Variants in CRIM1 observed in about 807,000 individuals in gnomAD.
The protein encoded by CRIM1 is cysteine-rich motor neuron 1 protein.
Under a neutral mutation model 116.4 loss-of-function variants are expected in CRIM1, and 32 were observed. The ratio of observed to expected loss-of-function variants is 0.27; its 90% CI spans 0.21 to 0.37. The LOEUF is 0.37. Among genes scored for constraint, CRIM1 ranks in the 10% least tolerant of loss-of-function variants. The probability of loss-of-function intolerance (pLI) is 1.00; values close to 1 mark genes in which losing one functional copy is unlikely to be tolerated. For synonymous variants in CRIM1, 590 were observed against 509.2 expected (o/e 1.16, Z -2.13); for missense variants, 1,331 against 1,354.8 (o/e 0.98, Z 0.28).
intron 2 of CRIM1, among the ~76,000 whole-genome samples, chr2:36,439,035 G>A (rs1675563235): frequency 6.6e-6 from 1 of 152,220 alleles, no homozygotes. Flanking sequence ...GCTTTAAGCT[G>A]CTTATTGGAT....
At chr2:36,523,432 C>A (rs1314216834) in intron 13 of CRIM1, among the ~76,000 whole-genome samples, 1 of 152,134 alleles carries the variant, frequency 6.6e-6, no homozygotes, top group Non-Finnish European at 1.5e-5. Flanking sequence ...TATATTAGCA[C>A]CTAACATCTG....
At chr2:36,452,248 A>G (rs1676791597) in intron 4 of CRIM1, among the ~76,000 whole-genome samples, 1 of 152,160 alleles carries the variant, frequency 6.6e-6, no homozygotes. Flanking sequence ...TAAGTTATAT[A>G]ATAAGTAAAA....
intron 8 of CRIM1, among the ~76,000 whole-genome samples, chr2:36,506,876 G>A (rs879024872): frequency 6.7e-6 from 1 of 149,908 alleles, no homozygotes; most frequent in Non-Finnish European, 1.5e-5. Flanking sequence ...TTTTTTTTTA[G>A]ACACAGGTTC....
At chr2:36,513,030 T>C (rs1368862217) in intron 10 of CRIM1, among the ~76,000 whole-genome samples, 1 of 152,210 alleles carries the variant, frequency 6.6e-6, no homozygotes, top group Non-Finnish European at 1.5e-5. Context: ...GATGCACAGA[T>C]TAAACTATAA....
chr2:36,464,578 T>G lies in CRIM1; in HGVS notation c.914T>G (p.Val305Gly). 15 of 1,614,098 alleles carry G rather than the reference T, an allele frequency of 9.3e-6. No homozygotes were observed. The highest frequency in any genetic ancestry group is 1.3e-5 in the Non-Finnish European group (15 of 1,179,984). The change falls in exon 5 of 17, where the codon GTG (valine) becomes GGG (glycine). Residue 305 changes from valine (V) to glycine (G), a missense_variant. Physicochemically the swap from Val to Gly is moderately radical, Grantham distance 109. Coordinates refer to ENST00000280527, the MANE Select transcript of CRIM1 (RefSeq NM_016441.3). The stretch of plus-strand genomic sequence containing the variant: ...TTATGTGGTTTCCCCGTGTGTGAGG[T>G]GGGATCCACTCCCCGCATAGTCTCT... The part of the protein sequence containing the change: ...SGLCGFPVCE[V>G]GSTPRIVSRG...
At chr2:36,442,800 G>T in intron 4 of CRIM1, 65 bp downstream of exon 4, 1 of 1,591,274 alleles carries the variant, frequency 6.3e-7, no homozygotes, top group South Asian at 1.1e-5. Context: ...GGTACATTTT[G>T]AGCATGCAGT....
chr2:36,387,377 A>G (rs747602926), intron 1 of CRIM1, among the ~76,000 whole-genome samples: 9 of 152,238 alleles, frequency 5.9e-5, no homozygotes, highest in Admixed American at 1.3e-4. Flanking sequence ...CTGAAAATTG[A>G]TATCCTTTGA....
At chr2:36,414,151 G>C (rs1055152340) in intron 2 of CRIM1, among the ~76,000 whole-genome samples, 3 of 152,120 alleles carry the variant, frequency 2.0e-5, no homozygotes, top group African/African-American at 7.2e-5. Context: ...TCATGCTTTG[G>C]CATCTCTGCT....
intron 2 of CRIM1, among the ~76,000 whole-genome samples, chr2:36,438,312 A>C (rs940406366): frequency 1.3e-5 from 2 of 152,226 alleles, no homozygotes; most frequent in African/African-American, 4.8e-5. Context: ...AATTAACAAG[A>C]GTAGGAATTA....
At chr2:36,547,260 CCA>C in intron 16 of CRIM1, 89 bp downstream of exon 16, 1 of 1,094,396 alleles carries the variant, frequency 9.1e-7, no homozygotes, top group Non-Finnish European at 1.4e-6. Flanking sequence ...TGTGTCTTAA[CCA>C]GTGAAGTTTT....
At chr2:36,402,112 C>T (rs924647510) in intron 2 of CRIM1, among the ~76,000 whole-genome samples, 4 of 152,140 alleles carry the variant, frequency 2.6e-5, no homozygotes, top group African/African-American at 9.7e-5. Flanking sequence ...CTAGGTTTCT[C>T]AAACTTGAGA....
intron 2 of CRIM1, among the ~76,000 whole-genome samples, chr2:36,438,556 G>A (rs1016074705): frequency 6.6e-6 from 1 of 152,140 alleles, no homozygotes; most frequent in African/African-American, 2.4e-5. Flanking sequence ...TCCTTGGGGG[G>A]TTATACTATG....
intron 1 of CRIM1, among the ~76,000 whole-genome samples, chr2:36,357,408 C>T (rs1349542177): frequency 3.9e-5 from 6 of 152,076 alleles, no homozygotes; most frequent in Non-Finnish European, 5.9e-5. Context: ...TGTTTGACAG[C>T]GGGGATTGTT....
At chr2:36,361,324 T>A (rs1050062173) in intron 1 of CRIM1, among the ~76,000 whole-genome samples, 1 of 152,166 alleles carries the variant, frequency 6.6e-6, no homozygotes, top group African/African-American at 2.4e-5. Flanking sequence ...CAGATTAATA[T>A]ATGAAGAAAA....
chr2:36,411,572 A>G (rs750901881), intron 2 of CRIM1, among the ~76,000 whole-genome samples: 7 of 152,178 alleles, frequency 4.6e-5, no homozygotes, highest in Non-Finnish European at 1.0e-4. Flanking sequence ...TTATATAGCT[A>G]CATGTATATA....
intron 2 of CRIM1, among the ~76,000 whole-genome samples, chr2:36,408,970 A>G (rs1365898907): frequency 1.3e-5 from 2 of 151,808 alleles, no homozygotes; most frequent in Non-Finnish European, 2.9e-5. Flanking sequence ...TCTTGCCAGT[A>G]TTATATATTT....
In CRIM1 at chr2:36,396,594, GGTT is replaced by G. The variant is rs970983530; in HGVS notation, c.332-16_332-14del. ...ATGAAGCTGCAAACACACATTATCT[GGTT>G]GTTAATTGTTTTACAGATGAGAACT... On this transcript the variant is annotated splice_polypyrimidine_tract_variant and intron_variant, in intron 1 of 16. Coordinates refer to ENST00000280527, the MANE Select transcript of CRIM1 (RefSeq NM_016441.3). 1 of 1,527,376 alleles carries G rather than the reference GGTT, an allele frequency of 6.5e-7. No homozygotes were observed. The highest frequency in any genetic ancestry group is 8.9e-7 in the Non-Finnish European group (1 of 1,122,666). 94.6% of individuals were successfully genotyped at this position (1,527,376 alleles called of 1,614,324 possible).
chr2:36,365,736 GTT>G (rs756853852), intron 1 of CRIM1, among the ~76,000 whole-genome samples: 7 of 137,580 alleles, frequency 5.1e-5, no homozygotes, highest in Admixed American at 7.2e-5. Context: ...CTATGTTTGT[GTT>G]TTTTTTTTTT....
chr2:36,441,541 T>C, intron 3 of CRIM1, 41 bp downstream of exon 3: 2 of 1,596,290 alleles, frequency 1.3e-6, no homozygotes. Flanking sequence ...TTCCTTTGCA[T>C]CAGAGGGTAG....
Sources: gnomAD v4.1 joint callset for allele counts (sites outside exome capture counted in the v4.1 genomes callset) on GRCh38, gnomAD v4.1.1 for gene constraint, MANE v1.5 for transcripts, NCBI Gene and HGNC (gene_info 2026-07-23, HGNC 2026-07-21) for gene names.